Variants in ACTR3C observed in about 807,000 individuals in gnomAD.
The protein encoded by ACTR3C is actin-related protein 3C.
A neutral mutation model predicts 26.3 loss-of-function variants in ACTR3C; 18 were observed. The ratio of observed to expected loss-of-function variants is 0.68; its 90% CI spans 0.47 to 1.01. The LOEUF (loss-of-function observed/expected upper bound fraction) is 1.01. Ranked by LOEUF, ACTR3C falls within the 50% of genes least tolerant of loss-of-function variation. The pLI is 0.00. For synonymous variants in ACTR3C, 55 were observed against 94.5 expected, an observed-to-expected ratio of 0.58 and a Z score of 2.42; for missense variants, 184 against 250.7, an observed-to-expected ratio of 0.73 and a Z score of 1.80.
chr7:150,221,998 C>CAAAAAAAAAAAAAAAA, the ACTR3C span, among the ~76,000 whole-genome samples: 9 of 79,794 alleles, frequency 1.1e-4, no homozygotes, highest in African/African-American at 4.1e-4. Context: ...ACTCCGTCTC[C>CAAAAAAAAAAAAAAAA]AAAAAAAAAA....
the ACTR3C span, among the ~76,000 whole-genome samples, chr7:149,970,495 G>A: frequency 6.6e-6 from 1 of 152,150 alleles, no homozygotes; most frequent in African/African-American, 2.4e-5. Context: ...ATGAGAGCAC[G>A]TCCAGGTTTC....
rs574573320 is a variant in ACTR3C at position 150,279,172 on chromosome 7, G to A, written c.564+5581C>T. 5.3e-5 allele frequency among the ~76,000 whole-genome samples: 8 copies of A among 152,190 alleles called. No individual in the cohort carries two copies. In the South Asian group the frequency reaches 8.3e-4, roughly 16 times the overall value. On this transcript the variant is annotated intron_variant, in intron 6 of 7. Coordinates refer to ENST00000683684, the MANE Select transcript of ACTR3C (RefSeq NM_001164458.2). ...AATTTTTAATTAGCTGCAAGTGGTC[G>A]CCCACACCTGTAGTTCCAGCTACTT... is the stretch of plus-strand genomic sequence containing the variant.
chr7:150,260,577 C>T (rs920879797), intron 6 of ACTR3C, among the ~76,000 whole-genome samples: 3 of 152,140 alleles, frequency 2.0e-5, no homozygotes, highest in African/African-American at 4.8e-5. Context: ...AATAATTCTC[C>T]CTACTTTGTA....
chr7:150,039,787 G>A, the ACTR3C span, among the ~76,000 whole-genome samples: 84 of 107,220 alleles, frequency 7.8e-4, no homozygotes, highest in African/African-American at 2.5e-3. Flanking sequence ...AGGGGGGGAA[G>A]AGGGACTGGC....
chr7:150,097,952 C>T, the ACTR3C span, among the ~76,000 whole-genome samples: 8 of 151,504 alleles, frequency 5.3e-5, no homozygotes, highest in African/African-American at 2.0e-4. Context: ...GACATGGCCC[C>T]TCCCTCATGT....
At chr7:150,188,561 C>A in the ACTR3C span, among the ~76,000 whole-genome samples, 2 of 151,376 alleles carry the variant, frequency 1.3e-5, no homozygotes, top group Non-Finnish European at 2.9e-5. Flanking sequence ...TGCTCCGTTT[C>A]ACATTTCCAC....
chr7:150,286,592 C>G, intron 4 of ACTR3C, 52 bp from the exon 5 acceptor site: 1 of 1,591,154 alleles, frequency 6.3e-7, no homozygotes, highest in Non-Finnish European at 8.6e-7. Flanking sequence ...CCCAGTGTCT[C>G]TGCCCTCAGA....
chr7:150,220,894 C>T, the ACTR3C span, among the ~76,000 whole-genome samples: 1 of 152,304 alleles, frequency 6.6e-6, no homozygotes, highest in East Asian at 1.9e-4. Context: ...CCCCACCCAC[C>T]CAGCAGGGGT....
the ACTR3C span, among the ~76,000 whole-genome samples, chr7:150,055,810 T>C: frequency 6.6e-6 from 1 of 152,170 alleles, no homozygotes; most frequent in Admixed American, 6.5e-5. Flanking sequence ...AAAAAAAGCC[T>C]TACTTTCAAA....
chr7:150,260,815 A>C (rs1231116312), intron 6 of ACTR3C, among the ~76,000 whole-genome samples: 1 of 152,216 alleles, frequency 6.6e-6, no homozygotes, highest in Admixed American at 6.5e-5. Context: ...GCAAAACAGA[A>C]CTTTATTAAC....
chr7:150,170,190 T>C, the ACTR3C span, among the ~76,000 whole-genome samples: 1 of 150,212 alleles, frequency 6.7e-6, no homozygotes, highest in Non-Finnish European at 1.5e-5. Flanking sequence ...GTTGGTGTCA[T>C]ACACATTGTT....
the ACTR3C span, among the ~76,000 whole-genome samples, chr7:150,007,989 A>G: frequency 6.9e-6 from 1 of 144,798 alleles, no homozygotes; most frequent in East Asian, 2.0e-4. Flanking sequence ...CCTCCATCTG[A>G]GGCAGAAATC....
At chr7:150,058,265 C>T in the ACTR3C span, among the ~76,000 whole-genome samples, 5 of 152,198 alleles carry the variant, frequency 3.3e-5, no homozygotes, top group African/African-American at 1.2e-4. Flanking sequence ...TGTTGTTTTC[C>T]AAGAGGAAAC....
the ACTR3C span, among the ~76,000 whole-genome samples, chr7:150,182,583 C>A: frequency 2.7e-5 from 4 of 150,730 alleles, no homozygotes; most frequent in Non-Finnish European, 5.9e-5. Context: ...CAGACTCCTA[C>A]AGCATATCAT....
chr7:150,035,832 G>A, the ACTR3C span, among the ~76,000 whole-genome samples: 13 of 135,204 alleles, frequency 9.6e-5, 1 homozygote, highest in African/African-American at 3.2e-4. Context: ...CTGCCTTGCG[G>A]GGGTTGCCTC....
chr7:150,257,212 G>A (rs906497379), intron 6 of ACTR3C, among the ~76,000 whole-genome samples: 6 of 152,230 alleles, frequency 3.9e-5, no homozygotes, highest in Non-Finnish European at 8.8e-5. Context: ...TAATGAGACT[G>A]AGGGCTGTTG....
the ACTR3C span, among the ~76,000 whole-genome samples, chr7:150,231,563 T>G: frequency 1.3e-5 from 2 of 150,178 alleles, no homozygotes; most frequent in African/African-American, 2.5e-5. Flanking sequence ...TCGTATAGCC[T>G]ATAGAACTGT....
At chr7:150,127,189 C>T in the ACTR3C span, among the ~76,000 whole-genome samples, 8 of 141,586 alleles carry the variant, frequency 5.7e-5, no homozygotes, top group Admixed American at 2.8e-4. Context: ...CACACACACA[C>T]GAGCGATGGT....
the ACTR3C span, among the ~76,000 whole-genome samples, chr7:150,220,934 A>C: frequency 1.3e-5 from 2 of 152,280 alleles, no homozygotes; most frequent in African/African-American, 4.8e-5. Flanking sequence ...ACTCTTGCCT[A>C]CAGCTCCTGC....
Sources: allele counts gnomAD v4.1 joint callset (sites outside exome capture counted in the v4.1 genomes callset), GRCh38; gene constraint gnomAD v4.1.1; transcripts MANE v1.5; gene names NCBI Gene and HGNC (gene_info 2026-07-23, HGNC 2026-07-21).